The following PRH1 variants were observed in gnomAD, a reference collection of about 807,000 sequenced individuals.
PRH1 encodes the protein proline rich protein HaeIII subfamily 1.
In PRH1, 7 loss-of-function variants were observed where a neutral mutation model predicts 7.9. The ratio of observed to expected loss-of-function variants is 0.89; its 90% CI spans 0.50 to 1.67. PRH1 has a LOEUF of 1.67. PRH1 is among the 40% of genes most tolerant of loss of function. PRH1 has a pLI of 0.00. For missense variants in PRH1, 109 were observed against 223.6 expected (o/e 0.49, Z 3.27); for synonymous variants, 45 against 80.8 (o/e 0.56, Z 2.38).
chr12:11,056,652 C>T (rs1943373143), intron 1 of PRH1, among the ~76,000 whole-genome samples: 2 of 152,046 alleles, frequency 1.3e-5, no homozygotes, highest in African/African-American at 4.8e-5. Flanking sequence ...ACTCTATATC[C>T]ACTAGAAATG....
chr12:11,132,555 T>C (rs1385011779), intron 1 of PRH1, among the ~76,000 whole-genome samples: 1 of 122,454 alleles, frequency 8.2e-6, no homozygotes, highest in Admixed American at 8.1e-5. Context: ...TGGAAGCTGA[T>C]AATAGCAATC....
intron 1 of PRH1, among the ~76,000 whole-genome samples, chr12:11,140,047 T>C (rs1425907444): frequency 6.6e-6 from 1 of 151,968 alleles, no homozygotes; most frequent in Admixed American, 6.5e-5. Flanking sequence ...TTCATATACA[T>C]TTATTAATAA....
intron 1 of PRH1, among the ~76,000 whole-genome samples, chr12:11,041,199 GTTGCCTC>G (rs1942692358): frequency 6.9e-6 from 1 of 144,160 alleles, no homozygotes; most frequent in Non-Finnish European, 1.5e-5. Flanking sequence ...ACTCCAATCT[GTTGCCTC>G]TAAGAAACAC....
chr12:11,002,840 A>C (rs971374010), intron 1 of PRH1, among the ~76,000 whole-genome samples: 4 of 152,090 alleles, frequency 2.6e-5, no homozygotes, highest in African/African-American at 9.6e-5. Context: ...TGCTGTGCAC[A>C]TGCATAGTAT....
chr12:10,924,015 AGACGGAG>A (rs1162202713), intron 2 of PRH1, among the ~76,000 whole-genome samples: 1 of 4,782 alleles, frequency 2.1e-4, no homozygotes, highest in African/African-American at 3.2e-4. Context: ...TTTTTTTTTG[AGACGGAG>A]TCTCGCTCTG....
chr12:11,105,804 T>A (rs1386017140), intron 1 of PRH1, among the ~76,000 whole-genome samples: 2 of 152,270 alleles, frequency 1.3e-5, no homozygotes, highest in East Asian at 3.9e-4. Context: ...AAATTTAATT[T>A]TTCAACGTGA....
intron 1 of PRH1, among the ~76,000 whole-genome samples, chr12:11,088,935 T>C (rs1182430175): frequency 8.7e-6 from 1 of 115,418 alleles, no homozygotes; most frequent in Non-Finnish European, 2.1e-5. Flanking sequence ...GTATCCTCTG[T>C]GTGAAAAACA....
chr12:11,018,992 A>G (rs1190305368), intron 1 of PRH1, among the ~76,000 whole-genome samples: 1 of 152,274 alleles, frequency 6.6e-6, no homozygotes, highest in Non-Finnish European at 1.5e-5. Flanking sequence ...GGGAGAGGAA[A>G]AGAGAAAAAA....
chr12:10,937,338 CA>C (rs1025052825), intron 2 of PRH1: 1 of 151,826 alleles, frequency 6.6e-6, no homozygotes, highest in African/African-American at 2.4e-5. Flanking sequence ...CCACCATTAA[CA>C]AGTATCATTA....
At chr12:10,889,273 A>G (rs925239782) in intron 2 of PRH1, among the ~76,000 whole-genome samples, 1 of 152,164 alleles carries the variant, frequency 6.6e-6, no homozygotes, top group Non-Finnish European at 1.5e-5. Context: ...TTAATGAAGG[A>G]TATTTTTATT....
chr12:10,889,282 T>C (rs187081591), intron 2 of PRH1, among the ~76,000 whole-genome samples: 134 of 152,338 alleles, frequency 8.8e-4, no homozygotes, highest in Admixed American at 5.9e-4. Context: ...GATATTTTTA[T>C]TGAACATAAA....
chr12:10,924,238 C>T (rs774963315), intron 2 of PRH1, among the ~76,000 whole-genome samples: 33 of 152,062 alleles, frequency 2.2e-4, no homozygotes, highest in Non-Finnish European at 3.4e-4. Context: ...CCACCCGCCT[C>T]GGCCTCCCAA....
chr12:10,928,197 A>G (rs139039142), intron 2 of PRH1, among the ~76,000 whole-genome samples: 2,310 of 152,356 alleles, frequency 0.015, 21 homozygotes, highest in South Asian at 0.031. Flanking sequence ...TTAGAATATC[A>G]TAGAAAAAAT....
At chr12:11,107,945 T>G (rs770930832) in intron 1 of PRH1, among the ~76,000 whole-genome samples, 6 of 152,160 alleles carry the variant, frequency 3.9e-5, no homozygotes, top group Non-Finnish European at 7.4e-5. Context: ...GGAGCTCCAC[T>G]ACATGTGGCA....
chr12:10,893,444 T>C (rs1949603871), intron 2 of PRH1, among the ~76,000 whole-genome samples: 1 of 152,244 alleles, frequency 6.6e-6, no homozygotes, highest in African/African-American at 2.4e-5. Context: ...TCCTATATTT[T>C]TATTTGCTTA....
exon 1 of PRH1, chr12:11,047,071 T>TGATGTGTTA: frequency 2.0e-6 from 1 of 500,728 alleles, no homozygotes; most frequent in Non-Finnish European, 4.2e-6. Flanking sequence ...CTAGCCTTCA[T>TGATGTGTTA]GATGTGTTAA....
intron 1 of PRH1, among the ~76,000 whole-genome samples, chr12:11,109,441 A>G (rs1486424082): frequency 1.3e-5 from 2 of 152,122 alleles, no homozygotes; most frequent in African/African-American, 2.4e-5. Context: ...TCTGGCGGGT[A>G]ACCCTCTGGG....
At chr12:11,168,597 T>C (rs1335885144) in intron 1 of PRH1, among the ~76,000 whole-genome samples, 12 of 152,220 alleles carry the variant, frequency 7.9e-5, no homozygotes, top group Middle Eastern at 3.4e-3. Flanking sequence ...GCATTATCAG[T>C]GAGGTCTGAC....
intron 2 of PRH1, among the ~76,000 whole-genome samples, chr12:10,967,098 G>A (rs974397084): frequency 4.8e-5 from 6 of 124,854 alleles, no homozygotes; most frequent in Non-Finnish European, 7.9e-5. Flanking sequence ...CTGGGCGACA[G>A]AGCAAGACTC....
Sources: gnomAD v4.1 joint callset for allele counts (sites outside exome capture counted in the v4.1 genomes callset) on GRCh38, gnomAD v4.1.1 for gene constraint, MANE v1.5 for transcripts, NCBI Gene and HGNC (gene_info 2026-07-23, HGNC 2026-07-21) for gene names.